Variants in UNC5D observed in about 807,000 individuals in gnomAD.
The protein encoded by UNC5D is netrin receptor UNC5D.
In UNC5D, 39 loss-of-function variants were observed where a neutral mutation model predicts 105.4. The observed-to-expected ratio is 0.37, with a 90% confidence interval of 0.29 to 0.48. The LOEUF (loss-of-function observed/expected upper bound fraction) is 0.48, where lower values mean the gene tolerates loss of function less well. Among genes scored for constraint, UNC5D ranks in the 20% least tolerant of loss-of-function variants. UNC5D has a pLI of 0.98. For missense variants in UNC5D, 991 were observed against 1,202.4 expected (o/e 0.82, Z 2.60); for synonymous variants, 452 against 450.4 (o/e 1.00, Z -0.04).
At chr8:35,287,771 CACT>C (rs1806715544) in intron 1 of UNC5D, among the ~76,000 whole-genome samples, 1 of 152,018 alleles carries the variant, frequency 6.6e-6, no homozygotes, top group Non-Finnish European at 1.5e-5. Context: ...TGCACCTTTG[CACT>C]CACTGGGTGA....
intron 1 of UNC5D, among the ~76,000 whole-genome samples, chr8:35,330,607 C>T (rs956892471): frequency 3.3e-5 from 5 of 152,150 alleles, no homozygotes; most frequent in African/African-American, 1.2e-4. Flanking sequence ...TGCAGGGCCT[C>T]TATCATTTTT....
At chr8:35,716,142 A>G (rs1828238305) in intron 8 of UNC5D, among the ~76,000 whole-genome samples, 1 of 152,118 alleles carries the variant, frequency 6.6e-6, no homozygotes, top group Non-Finnish European at 1.5e-5. Flanking sequence ...AGGAAGAGAC[A>G]CCGTGTCATA....
chr8:35,533,710 G>A (rs2589345), intron 1 of UNC5D, among the ~76,000 whole-genome samples: 34,609 of 152,160 alleles, frequency 0.23, 4,271 homozygotes, highest in African/African-American at 0.33. Flanking sequence ...TTCCGTGGGC[G>A]TAGGACCCTC....
At chr8:35,582,048 A>G (rs556334200) in intron 3 of UNC5D, among the ~76,000 whole-genome samples, 5 of 152,310 alleles carry the variant, frequency 3.3e-5, no homozygotes, top group African/African-American at 1.2e-4. Flanking sequence ...TTCTCTACAC[A>G]GCAACAAGAA....
At chr8:35,676,775 G>A (rs1371796516) in intron 4 of UNC5D, among the ~76,000 whole-genome samples, 1 of 152,124 alleles carries the variant, frequency 6.6e-6, no homozygotes, top group East Asian at 1.9e-4. Context: ...ATGATTTAGT[G>A]AAAGGAAATT....
intron 16 of UNC5D, among the ~76,000 whole-genome samples, chr8:35,788,116 A>ACT (rs1802832829): frequency 6.6e-6 from 1 of 152,206 alleles, no homozygotes; most frequent in Non-Finnish European, 1.5e-5. Flanking sequence ...GCTGTTTGGC[A>ACT]ACCAACTGAC....
At chr8:35,702,521 C>T (rs1827280761) in intron 7 of UNC5D, among the ~76,000 whole-genome samples, 1 of 151,608 alleles carries the variant, frequency 6.6e-6, no homozygotes, top group South Asian at 2.1e-4. Flanking sequence ...TTTAACTTGG[C>T]CTTTGGAGAG....
chr8:35,534,627 A>G (rs1814697266), intron 1 of UNC5D, among the ~76,000 whole-genome samples: 1 of 151,822 alleles, frequency 6.6e-6, no homozygotes, highest in Non-Finnish European at 1.5e-5. Flanking sequence ...ATAAAATGGT[A>G]TCCAAAAAGT....
At chr8:35,622,199 G>A (rs1821401548) in intron 4 of UNC5D, among the ~76,000 whole-genome samples, 1 of 152,048 alleles carries the variant, frequency 6.6e-6, no homozygotes, top group African/African-American at 2.4e-5. Context: ...AAAATTAGCT[G>A]GGCGTGGTGG....
At chr8:35,341,771 AC>A (rs1435599508) in intron 1 of UNC5D, among the ~76,000 whole-genome samples, 1 of 152,116 alleles carries the variant, frequency 6.6e-6, no homozygotes, top group Non-Finnish European at 1.5e-5. Flanking sequence ...ACATGCAGCA[AC>A]CAGCTAATTT....
rs1396775324 is a variant in UNC5D, at chr8:35,569,640, T to G, written c.466+1399T>G. On this transcript the variant is annotated intron_variant, in intron 3 of 16. Transcript: ENST00000404895. Reference sequence around the variant, plus strand: ...AAGGGAAATATTTTCCTATAGTTATTTAGTTAATTAATTTTAGCCAACAAT... The same window carrying G: ...AAGGGAAATATTTTCCTATAGTTATGTAGTTAATTAATTTTAGCCAACAAT... Among the ~76,000 whole-genome samples the G allele has an allele frequency of 2.0e-5, 3 of 152,186 alleles. No individual in the cohort carries two copies. In the East Asian group the frequency reaches 5.8e-4, roughly 29 times the overall value.
chr8:35,348,279 T>C (rs2128907961), intron 1 of UNC5D, among the ~76,000 whole-genome samples: 1 of 152,060 alleles, frequency 6.6e-6, no homozygotes, highest in African/African-American at 2.4e-5. Context: ...CACTTAAATA[T>C]ATGTCATGGA....
At chr8:35,677,926 ATG>A (rs1182633315) in intron 4 of UNC5D, among the ~76,000 whole-genome samples, 1 of 150,838 alleles carries the variant, frequency 6.6e-6, no homozygotes, top group Non-Finnish European at 1.5e-5. Flanking sequence ...GTGTATGTAT[ATG>A]TGTGTATATA....
intron 3 of UNC5D, among the ~76,000 whole-genome samples, chr8:35,587,993 T>TATATATATATATATATATATATATAC (rs1376973554): frequency 1.4e-5 from 2 of 141,198 alleles, no homozygotes; most frequent in Non-Finnish European, 3.1e-5. Flanking sequence ...TATATATATA[T>TATATATATATATATATATATATATAC]ACTAATCCCA....
chr8:35,337,853 G>A (rs1811164892), intron 1 of UNC5D, among the ~76,000 whole-genome samples: 1 of 151,750 alleles, frequency 6.6e-6, no homozygotes, highest in African/African-American at 2.4e-5. Flanking sequence ...TACCATCAAA[G>A]TTATAAATTA....
chr8:35,779,661 G>A (rs1418510366), intron 16 of UNC5D, among the ~76,000 whole-genome samples: 2 of 152,080 alleles, frequency 1.3e-5, no homozygotes, highest in Admixed American at 6.6e-5. Context: ...TCACCATGTG[G>A]GCCAGGCTGG....
chr8:35,713,837 G>C (rs901160320), intron 8 of UNC5D, among the ~76,000 whole-genome samples: 2 of 152,200 alleles, frequency 1.3e-5, no homozygotes, highest in African/African-American at 4.8e-5. Flanking sequence ...AAAAAAATAA[G>C]TAGTCAGGTT....
At chr8:35,294,528 T>C (rs1807319688) in intron 1 of UNC5D, among the ~76,000 whole-genome samples, 1 of 152,184 alleles carries the variant, frequency 6.6e-6, no homozygotes, top group Non-Finnish European at 1.5e-5. Flanking sequence ...GAATTTGCTT[T>C]GCTTTCTCTT....
At chr8:35,509,190 G>C (rs993133696) in intron 1 of UNC5D, among the ~76,000 whole-genome samples, 2 of 151,922 alleles carry the variant, frequency 1.3e-5, no homozygotes, top group African/African-American at 2.4e-5. Flanking sequence ...TAGACACGGA[G>C]AAATAGTATA....
Sources: gnomAD v4.1 joint callset for allele counts (sites outside exome capture counted in the v4.1 genomes callset) on GRCh38, gnomAD v4.1.1 for gene constraint, MANE v1.5 for transcripts, NCBI Gene and HGNC (gene_info 2026-07-23, HGNC 2026-07-21) for gene names.